Variants in SYT16 observed in about 807,000 individuals in gnomAD.
SYT16 encodes the protein synaptotagmin 16.
SYT16 carries 42 observed loss-of-function variants against 61.4 expected under a neutral mutation model. The observed-to-expected ratio is 0.68, with a 90% CI of 0.53 to 0.89. SYT16 has a LOEUF of 0.89. SYT16 is among the 40% of genes least tolerant of loss of function. The probability of loss-of-function intolerance (pLI) is 0.00; values close to 1 mark genes in which losing one functional copy is unlikely to be tolerated. For missense variants in SYT16, 804 were observed against 807.3 expected (o/e 1.00, Z 0.05); for synonymous variants, 314 against 302.3 (o/e 1.04, Z -0.40).
chr14:62,001,693 C>G (rs4902093), intron 3 of SYT16, among the ~76,000 whole-genome samples: 79,103 of 151,614 alleles, frequency 0.52, 21,572 homozygotes, highest in East Asian at 0.75. Context: ...CCCATTCTCT[C>G]TTGTTCCTCC....
In SYT16 at chr14:61,828,246, T is replaced by A. The variant is rs57079678; in HGVS notation, c.-325+15436T>A. 4.9e-3 allele frequency among the ~76,000 whole-genome samples: 744 copies of A among 152,362 alleles called. 28 individuals are homozygous for A. In the East Asian group the frequency reaches 0.11, roughly 22 times the overall value. ...AACCCCACAGTTTGTGGTACTTTGT[T>A]ATGGTAGCCCTAGCAAATGAATACA... On this transcript the variant is annotated intron_variant, in intron 1 of 7. Coordinates refer to ENST00000683842, the MANE Select transcript of SYT16 (RefSeq NM_001367656.1).
chr14:61,953,406 A>G (rs577520640), intron 1 of SYT16, among the ~76,000 whole-genome samples: 5 of 151,744 alleles, frequency 3.3e-5, no homozygotes, highest in African/African-American at 9.7e-5. Flanking sequence ...GAAAACTTCA[A>G]CCTCCATATA....
intron 1 of SYT16, among the ~76,000 whole-genome samples, chr14:61,874,805 C>T (rs960068860): frequency 1.3e-5 from 2 of 149,466 alleles, no homozygotes; most frequent in Admixed American, 6.6e-5. Flanking sequence ...TAACACTTTG[C>T]ACATAAGAAA....
chr14:62,046,627 T>A (rs993802708), intron 3 of SYT16, among the ~76,000 whole-genome samples: 2 of 152,226 alleles, frequency 1.3e-5, no homozygotes, highest in African/African-American at 4.8e-5. Flanking sequence ...AATTAATTTT[T>A]ATATAAGGTG....
intron 1 of SYT16, among the ~76,000 whole-genome samples, chr14:61,961,707 G>T (rs1005628073): frequency 3.9e-5 from 6 of 152,200 alleles, no homozygotes; most frequent in Non-Finnish European, 5.9e-5. Flanking sequence ...AAGCAGGTTA[G>T]TGATTTCTGA....
At chr14:62,031,969 A>G (rs558739282) in intron 3 of SYT16, among the ~76,000 whole-genome samples, 2 of 152,280 alleles carry the variant, frequency 1.3e-5, no homozygotes, top group African/African-American at 4.8e-5. Context: ...AAATCTAAGA[A>G]AGGCAGCAGC....
At chr14:61,931,917 G>A (rs1021387503) in intron 1 of SYT16, among the ~76,000 whole-genome samples, 2 of 152,214 alleles carry the variant, frequency 1.3e-5, no homozygotes, top group Non-Finnish European at 2.9e-5. Flanking sequence ...TATTTGATAT[G>A]TATTAGAAAA....
Position 62,104,043 on chromosome 14 carries a change from C to G in SYT16, c.*3336C>G, listed in dbSNP as rs970174301. On this transcript the variant is annotated 3_prime_UTR_variant, in exon 8 of 8. Transcript: ENST00000683842. Reference sequence around the variant, plus strand: ...GTTACTGTGCTTTAGATGACCTTATCTGAGAACCAAAATTCTTTTCTTTCC... The same window carrying G: ...GTTACTGTGCTTTAGATGACCTTATGTGAGAACCAAAATTCTTTTCTTTCC... 6.6e-6 allele frequency: 1 copy of G among 152,158 alleles called. No homozygotes were observed. Among genetic ancestry groups the G allele is most frequent in the African/African-American group, 2.4e-5 (1 of 41,432 alleles). 9.4% of individuals were successfully genotyped at this position (152,158 alleles called of 1,614,324 possible).
chr14:61,895,975 T>C (rs554845944), intron 1 of SYT16, among the ~76,000 whole-genome samples: 68 of 152,322 alleles, frequency 4.5e-4, no homozygotes, highest in African/African-American at 1.4e-3. Context: ...TGGTTCATGA[T>C]TGCCCTCTGT....
chr14:61,913,316 G>C lies in SYT16; in HGVS notation c.-324-56816G>C, dbSNP rs368983410. Among the ~76,000 whole-genome samples the C allele has an allele frequency of 8.1e-4, 123 of 152,182 alleles. 3 individuals carry two copies. The highest frequency in any genetic ancestry group is 5.2e-3 in the South Asian group (25 of 4,820). On this transcript the variant is annotated intron_variant, in intron 1 of 7. Transcript: ENST00000683842. ...TTGTGGAAAGGATGAATGAATGATG[G>C]GTTCTGGAAATACAGTTTGCTACCA... is the stretch of plus-strand genomic sequence containing the variant.
chr14:61,980,751 TAAATA>T (rs2052033922), intron 2 of SYT16, among the ~76,000 whole-genome samples: 2 of 151,990 alleles, frequency 1.3e-5, no homozygotes, highest in Admixed American at 6.6e-5. Context: ...AAGAGGCAAA[TAAATA>T]AAATAATTAT....
At chr14:62,031,587 G>A (rs2054310862) in intron 3 of SYT16, among the ~76,000 whole-genome samples, 1 of 152,136 alleles carries the variant, frequency 6.6e-6, no homozygotes, top group South Asian at 2.1e-4. Flanking sequence ...TAAAATCCAG[G>A]AGAGTCCCCT....
chr14:61,995,378 T>G (rs530824102), intron 2 of SYT16, among the ~76,000 whole-genome samples: 1 of 152,236 alleles, frequency 6.6e-6, no homozygotes, highest in South Asian at 2.1e-4. Context: ...TTTCTAGAGA[T>G]TGCATAAAAA....
intron 4 of SYT16, among the ~76,000 whole-genome samples, 178 bp downstream of exon 4, chr14:62,069,993 A>G (rs1280393393): frequency 2.0e-5 from 3 of 152,208 alleles, no homozygotes; most frequent in South Asian, 2.1e-4. Context: ...ACTGCCATGC[A>G]GGAGGTTGAG....
At chr14:62,082,366 C>T (rs942325673) in intron 6 of SYT16, among the ~76,000 whole-genome samples, 1 of 152,176 alleles carries the variant, frequency 6.6e-6, no homozygotes. Flanking sequence ...TCTATTCCCC[C>T]TGCAGTCTTC....
intron 1 of SYT16, among the ~76,000 whole-genome samples, chr14:61,942,994 TAAAG>T (rs2050268139): frequency 6.6e-6 from 1 of 151,492 alleles, no homozygotes; most frequent in African/African-American, 2.4e-5. Flanking sequence ...GCCAGACTAA[TAAAG>T]AAGAAAAGAG....
rs2051149975 is a variant in SYT16, at chr14:61,962,356, C to T, written c.-324-7776C>T. On this transcript the variant is annotated intron_variant, in intron 1 of 7. Transcript: ENST00000683842. ...TATCATCCCATTGTCTTCTGTCCTG[C>T]AAGGTTTCTGCTGGGAAATTATCTG... Among the ~76,000 whole-genome samples, 3 of 152,164 alleles carry T rather than the reference C, an allele frequency of 2.0e-5. No homozygotes were observed. The South Asian group carries it at 6.2e-4, about 32-fold the overall frequency.
intron 1 of SYT16, among the ~76,000 whole-genome samples, chr14:61,947,169 C>T (rs989571647): frequency 1.4e-4 from 21 of 151,596 alleles, no homozygotes; most frequent in East Asian, 3.9e-4. Flanking sequence ...AAGCCAGTAC[C>T]GTCAGAATGC....
intron 1 of SYT16, among the ~76,000 whole-genome samples, chr14:61,828,193 C>A (rs1237582596): frequency 6.6e-6 from 1 of 152,118 alleles, no homozygotes; most frequent in Admixed American, 6.6e-5. Context: ...TTCTGATCTC[C>A]AGAAATATGA....
Sources: allele counts gnomAD v4.1 joint callset (sites outside exome capture counted in the v4.1 genomes callset), GRCh38; gene constraint gnomAD v4.1.1; transcripts MANE v1.5; gene names NCBI Gene and HGNC (gene_info 2026-07-23, HGNC 2026-07-21).